Variants in HERPUD2 observed in about 807,000 individuals in gnomAD.
HERPUD2 encodes homocysteine-responsive endoplasmic reticulum-resident ubiquitin-like domain member 2 protein.
HERPUD2 carries 13 observed loss-of-function variants against 49.9 expected under a neutral mutation model. That is an observed-to-expected ratio of 0.26 (90% confidence interval 0.17 to 0.41). The LOEUF (loss-of-function observed/expected upper bound fraction) is 0.41. Ranked by LOEUF, HERPUD2 falls within the 10% of genes least tolerant of loss-of-function variation. HERPUD2 has a pLI of 1.00. For missense variants in HERPUD2, 449 were observed against 492.2 expected (o/e 0.91, Z 0.83); for synonymous variants, 172 against 171.4 (o/e 1.00, Z -0.03).
At chr7:35,633,933 A>G in intron 8 of HERPUD2, 82 bp from the exon 9 acceptor site, 2 of 1,379,024 alleles carry the variant, frequency 1.5e-6, no homozygotes, top group Non-Finnish European at 2.0e-6. Context: ...AATTCTTTGT[A>G]GAACAAAGGA....
chr7:35,666,703 T>G (rs1785544094), intron 5 of HERPUD2, among the ~76,000 whole-genome samples: 1 of 152,260 alleles, frequency 6.6e-6, no homozygotes, highest in Admixed American at 6.5e-5. Flanking sequence ...TCCTACTCTC[T>G]AAGCTGCTTT....
At chr7:35,655,789 A>G (rs554027209) in intron 5 of HERPUD2, among the ~76,000 whole-genome samples, 3 of 152,348 alleles carry the variant, frequency 2.0e-5, no homozygotes, top group Admixed American at 1.3e-4. Flanking sequence ...ATAAACTTTT[A>G]GATTTGGAAA....
At chr7:35,679,723 C>T (rs1254731216) in intron 2 of HERPUD2, among the ~76,000 whole-genome samples, 2 of 152,156 alleles carry the variant, frequency 1.3e-5, no homozygotes, top group Non-Finnish European at 2.9e-5. Flanking sequence ...CTCTCAGACC[C>T]AGATTCATAT....
At chr7:35,654,658 C>A (rs1322044173) in intron 5 of HERPUD2, among the ~76,000 whole-genome samples, 5 of 145,008 alleles carry the variant, frequency 3.4e-5, no homozygotes, top group Admixed American at 7.0e-5. Context: ...GCTTCGCTGC[C>A]AAATTTGACC....
intron 5 of HERPUD2, among the ~76,000 whole-genome samples, chr7:35,666,659 C>G (rs7779133): frequency 0.64 from 97,799 of 152,112 alleles, 32,686 homozygotes; most frequent in African/African-American, 0.83. Context: ...TCTGCTTTCA[C>G]ACACAACCCT....
Position 35,694,381 on chromosome 7 carries a change from A to G in HERPUD2, c.-51T>C. 6.2e-7 allele frequency: 1 copy of G among 1,608,486 alleles called. No individual in the cohort carries two copies. Among genetic ancestry groups the G allele is most frequent in the Non-Finnish European group, 8.5e-7 (1 of 1,175,392 alleles). Reference sequence around the variant, plus strand: ...CAGAGGAGCGGCAGTTAAGCCCAAAAGAGCCGAGATGGTCACCGCCGGCGC... The same window carrying G: ...CAGAGGAGCGGCAGTTAAGCCCAAAGGAGCCGAGATGGTCACCGCCGGCGC... On this transcript the variant is annotated 5_prime_UTR_variant, in exon 2 of 9. Transcript: ENST00000311350.
chr7:35,645,703 C>A (rs1032671830), intron 5 of HERPUD2, among the ~76,000 whole-genome samples: 4 of 152,140 alleles, frequency 2.6e-5, no homozygotes, highest in African/African-American at 9.7e-5. Flanking sequence ...GTTTCCAAGA[C>A]CCTATCGTGA....
intron 5 of HERPUD2, among the ~76,000 whole-genome samples, chr7:35,666,223 A>AAAAT (rs1785533664): frequency 1.3e-5 from 2 of 152,250 alleles, no homozygotes; most frequent in Non-Finnish European, 2.9e-5. Flanking sequence ...TCTGAAAACA[A>AAAAT]AAATAGTTTC....
At chr7:35,638,290 A>G in intron 6 of HERPUD2, 60 bp downstream of exon 6, 1 of 1,473,648 alleles carries the variant, frequency 6.8e-7, no homozygotes, top group Non-Finnish European at 9.2e-7. Flanking sequence ...CTTAGGATAA[A>G]AAGAAAATAA....
chr7:35,673,096 T>C, intron 3 of HERPUD2, 105 bp downstream of exon 3: 3 of 752,222 alleles, frequency 4.0e-6, no homozygotes, highest in Non-Finnish European at 6.7e-6. Context: ...GCAAAGGGAT[T>C]GATTTTAAGT....
intron 5 of HERPUD2, among the ~76,000 whole-genome samples, chr7:35,651,397 CCCT>C (rs1785164442): frequency 6.6e-6 from 1 of 152,216 alleles, no homozygotes. Context: ...CACCTGACAC[CCCT>C]GTCCCCAGCA....
chr7:35,668,885 T>C (rs945135913), intron 4 of HERPUD2, among the ~76,000 whole-genome samples: 2 of 152,194 alleles, frequency 1.3e-5, no homozygotes, highest in East Asian at 1.9e-4. Flanking sequence ...TTTCTGACCT[T>C]ATTAGGTAAT....
intron 5 of HERPUD2, among the ~76,000 whole-genome samples, chr7:35,661,891 G>T (rs1246494484): frequency 6.6e-6 from 1 of 152,094 alleles, no homozygotes; most frequent in Non-Finnish European, 1.5e-5. Flanking sequence ...GATTGCCCTG[G>T]CCAGAACTTC....
At chr7:35,655,744 CA>C (rs1392218609) in intron 5 of HERPUD2, among the ~76,000 whole-genome samples, 2 of 152,190 alleles carry the variant, frequency 1.3e-5, no homozygotes, top group African/African-American at 4.8e-5. Flanking sequence ...AAGAGGAAGT[CA>C]AACCATCCCT....
rs914925929 is a variant in HERPUD2 at position 35,683,474 on chromosome 7, G to T, written c.148-10196C>A. Among the ~76,000 whole-genome samples, 30 of 152,196 alleles carry T rather than the reference G, an allele frequency of 2.0e-4. 1 individual carries two copies. The highest frequency in any genetic ancestry group is 3.2e-4 in the Non-Finnish European group (22 of 68,032). On this transcript the variant is annotated intron_variant, in intron 2 of 8. Transcript: ENST00000311350. ...ACCTGAAGCTATAAAAATTATAGAT[G>T]ATAATATTGGAAAAGCCCTTCTAGA... is the stretch of plus-strand genomic sequence containing the variant.
intron 2 of HERPUD2, among the ~76,000 whole-genome samples, chr7:35,677,174 G>A (rs1347928919): frequency 2.0e-5 from 3 of 152,096 alleles, no homozygotes; most frequent in Non-Finnish European, 2.9e-5. Flanking sequence ...ACATAACAAA[G>A]CTGAATACAC....
Position 35,667,495 on chromosome 7 carries a change from T to C in HERPUD2, c.433A>G (p.Thr145Ala). The C allele has an allele frequency of 1.2e-6, 2 of 1,613,994 alleles. No homozygotes were observed. Among genetic ancestry groups the C allele is most frequent in the Middle Eastern group, 1.6e-4 (1 of 6,062 alleles). Residue 145 changes from threonine to alanine, a missense_variant, in exon 5 of 9, where the codon ACC becomes GCC. By Grantham distance (58) the Thr-to-Ala change is moderately conservative (BLOSUM62 0). Transcript: ENST00000311350. ...TGGTCAGTTTGTGCTTGTGGAAGGGTACGCTGCCTCAATCCTTCTGAGGAA... is the reference window on the plus strand; with the variant it reads ...TGGTCAGTTTGTGCTTGTGGAAGGGCACGCTGCCTCAATCCTTCTGAGGAA... ...GSSSEGLRQR[T>A]LPQAQTDQAQ...
At chr7:35,639,033 C>CTT (rs981148190) in intron 5 of HERPUD2, among the ~76,000 whole-genome samples, 34 of 144,512 alleles carry the variant, frequency 2.4e-4, no homozygotes, top group African/African-American at 8.3e-4. Flanking sequence ...AATTTTATTT[C>CTT]TTTTTTTTTT....
intron 5 of HERPUD2, among the ~76,000 whole-genome samples, chr7:35,644,525 T>C (rs1785017131): frequency 6.6e-6 from 1 of 152,196 alleles, no homozygotes; most frequent in African/African-American, 2.4e-5. Flanking sequence ...CCCAGAACTC[T>C]GGGAGCCTGA....
Sources: gnomAD v4.1 joint callset for allele counts (sites outside exome capture counted in the v4.1 genomes callset) on GRCh38, gnomAD v4.1.1 for gene constraint, MANE v1.5 for transcripts, NCBI Gene and HGNC (gene_info 2026-07-23, HGNC 2026-07-21) for gene names.